The following RPH3AL variants were observed in gnomAD, a reference collection of about 807,000 sequenced individuals.
RPH3AL encodes the protein rabphilin 3A like (without C2 domains).
A neutral mutation model predicts 43.1 loss-of-function variants in RPH3AL; 38 were observed. That is an observed-to-expected ratio of 0.88 (90% CI 0.68 to 1.15). The LOEUF is 1.15. Ranked by LOEUF, RPH3AL falls within the 50% of genes most tolerant of loss-of-function variation. The pLI, the probability that RPH3AL is intolerant of heterozygous loss-of-function variation, is 0.00. For synonymous variants in RPH3AL, 189 were observed against 176.3 expected (o/e 1.07, Z -0.57); for missense variants, 462 against 423.2 (o/e 1.09, Z -0.81).
chr17:304,949 GAGGGGGACAGGGCGA>G (rs2151643348), intron 5 of RPH3AL, among the ~76,000 whole-genome samples: 2 of 67,034 alleles, frequency 3.0e-5, no homozygotes, highest in East Asian at 3.5e-4. Context: ...GACAGGGCGA[GAGGGGGACAGGGCGA>G]GAGGGGGACA....
At chr17:220,679 A>ATC in intron 7 of RPH3AL, among the ~76,000 whole-genome samples, 1 of 79,078 alleles carries the variant, frequency 1.3e-5, no homozygotes, top group Non-Finnish European at 2.4e-5. Flanking sequence ...ACCCAAGCAC[A>ATC]ACAGCTCTGA....
At position 344,449 on chromosome 17, in the gene RPH3AL, T is replaced by C. The variant is rs2045198531; in HGVS notation, c.-213+8263A>G. The stretch of plus-strand genomic sequence containing the variant: ...TCACCATCACCACCATCAGACATCA[T>C]CACCACTATCATGACCATCACCCAC... On this transcript the variant is annotated intron_variant, in intron 1 of 9. Coordinates refer to ENST00000331302, the MANE Select transcript of RPH3AL (RefSeq NM_006987.4). 1.6e-5 allele frequency among the ~76,000 whole-genome samples: 2 copies of C among 124,162 alleles called. 1 individual carries two copies. Among genetic ancestry groups the C allele is most frequent in the Middle Eastern group, 9.8e-3 (2 of 204 alleles). The allele number at this position is 124,162 out of a possible 152,430, so 81.5% of individuals were successfully genotyped here. A position where few individuals can be genotyped will look rare whatever the true frequency, so the allele number is the denominator to read the frequency against.
chr17:247,024 G>C, intron 7 of RPH3AL, 87 bp downstream of exon 7: 1 of 1,424,718 alleles, frequency 7.0e-7, no homozygotes, highest in Non-Finnish European at 9.9e-7. Context: ...AGGGTGCGGG[G>C]GACTGGCCTT....
intron 6 of RPH3AL, among the ~76,000 whole-genome samples, chr17:281,345 G>A (rs2042773452): frequency 6.6e-6 from 1 of 152,120 alleles, no homozygotes; most frequent in Non-Finnish European, 1.5e-5. Flanking sequence ...CTGGGGTTGT[G>A]CAGGGATGAA....
intron 6 of RPH3AL, among the ~76,000 whole-genome samples, chr17:259,493 A>G (rs1250873747): frequency 6.6e-6 from 1 of 152,040 alleles, no homozygotes; most frequent in Non-Finnish European, 1.5e-5. Context: ...CCTGGCATCC[A>G]CATCTACCCC....
chr17:315,633 C>A (rs200864617), intron 5 of RPH3AL, among the ~76,000 whole-genome samples: 1 of 139,966 alleles, frequency 7.1e-6, no homozygotes. Flanking sequence ...ACTCCACCTC[C>A]ACTGACCTGT....
At chr17:325,103 C>T (rs1246108578) in intron 3 of RPH3AL, among the ~76,000 whole-genome samples, 1 of 152,310 alleles carries the variant, frequency 6.6e-6, no homozygotes, top group African/African-American at 2.4e-5. Flanking sequence ...TCAGGTGATC[C>T]GCCCGCCTCA....
At chr17:298,653 C>CGGCCACTGCAGTGAGCCGGTTGCAGT (rs1406959509) in intron 5 of RPH3AL, among the ~76,000 whole-genome samples, 1 of 151,202 alleles carries the variant, frequency 6.6e-6, no homozygotes, top group Admixed American at 6.6e-5. Context: ...TGCAGTGAGC[C>CGGCCACTGCAGTGAGCCGGTTGCAGT]GAGATCAGGC....
intron 6 of RPH3AL, chr17:247,612 A>T: frequency 3.3e-6 from 1 of 307,502 alleles, no homozygotes; most frequent in South Asian, 7.8e-5. Flanking sequence ...CAGTCTCCTC[A>T]GCAGCTGGGA....
intron 6 of RPH3AL, among the ~76,000 whole-genome samples, chr17:263,515 C>T (rs1303939111): frequency 6.6e-6 from 1 of 152,232 alleles, no homozygotes; most frequent in Non-Finnish European, 1.5e-5. Flanking sequence ...CCAACGTTAG[C>T]TCTTCCGAAC....
chr17:262,562 C>T (rs568082567), intron 6 of RPH3AL, among the ~76,000 whole-genome samples: 40 of 152,208 alleles, frequency 2.6e-4, no homozygotes, highest in African/African-American at 5.3e-4. Flanking sequence ...CAGCGGCTCA[C>T]GCTCATAATC....
At chr17:327,850 A>C (rs905770235) in intron 2 of RPH3AL, among the ~76,000 whole-genome samples, 3 of 152,210 alleles carry the variant, frequency 2.0e-5, no homozygotes, top group Admixed American at 2.0e-4. Flanking sequence ...TCAAAAGGTT[A>C]GAGTCAGAAA....
At chr17:253,075 G>T (rs1481782730) in intron 6 of RPH3AL, among the ~76,000 whole-genome samples, 1 of 152,156 alleles carries the variant, frequency 6.6e-6, no homozygotes, top group Non-Finnish European at 1.5e-5. Flanking sequence ...GGAATCCAAG[G>T]CCTCCTCTGT....
chr17:273,088 A>AGCGAGAGTGACTTCAGGGTGAGACCCCG (rs2042545519), intron 6 of RPH3AL, among the ~76,000 whole-genome samples: 1 of 133,062 alleles, frequency 7.5e-6, no homozygotes, highest in Non-Finnish European at 1.6e-5. Flanking sequence ...GAGAGACCCC[A>AGCGAGAGTGACTTCAGGGTGAGACCCCG]GCGAGGGTGA....
chr17:265,079 G>A (rs1555547527), intron 6 of RPH3AL, among the ~76,000 whole-genome samples: 2 of 152,160 alleles, frequency 1.3e-5, no homozygotes. Context: ...TGAGAAGAGG[G>A]AATTAAGAGA....
rs138138447 is a variant in RPH3AL, at chr17:246,717, C to T, written c.613+394G>A. ...AGCCAGGAGTCCTCCCTTACCGAGA[C>T]ACAAGGCAAGTGCCAGGAAGAGATG... On this transcript the variant is annotated intron_variant, in intron 7 of 9. Transcript: ENST00000331302. This position sits in a 1 kb window ranked among gnomAD's most constrained non-coding sequence, Gnocchi z 4.8. Among the ~76,000 whole-genome samples, 1 of 152,228 alleles carries T rather than the reference C, an allele frequency of 6.6e-6. No homozygotes were observed. The highest frequency in any genetic ancestry group is 1.5e-5 in the Non-Finnish European group (1 of 68,012).
rs191495696 is a variant in RPH3AL, at chr17:262,416, A to G, written c.439-15131T>C. Among the ~76,000 whole-genome samples the G allele has an allele frequency of 7.0e-4, 106 of 152,200 alleles. No homozygotes were observed. In the East Asian group the frequency reaches 7.6e-3, roughly 11 times the overall value. ...TTTTTAGTAGAGACGGGGTTTCACC[A>G]TGTTCGCCGGGCTGGTCTTGAACTG... On this transcript the variant is annotated intron_variant, in intron 6 of 9. Coordinates refer to ENST00000331302, the MANE Select transcript of RPH3AL (RefSeq NM_006987.4).
intron 6 of RPH3AL, among the ~76,000 whole-genome samples, chr17:273,049 G>A (rs1597987955): frequency 9.0e-6 from 1 of 111,688 alleles, no homozygotes; most frequent in African/African-American, 2.8e-5. Context: ...GCGACGTCAG[G>A]GAGAGACCCC....
intron 6 of RPH3AL, among the ~76,000 whole-genome samples, chr17:263,379 G>A (rs558272664): frequency 6.6e-6 from 1 of 152,162 alleles, no homozygotes; most frequent in African/African-American, 2.4e-5. Context: ...ATCTTGCATG[G>A]CCAGGAGTCA....
Sources: gnomAD v4.1 joint callset for allele counts (sites outside exome capture counted in the v4.1 genomes callset) on GRCh38, gnomAD v4.1.1 for gene constraint, Gnocchi (gnomAD v3.1) non-coding constraint, MANE v1.5 for transcripts, NCBI Gene and HGNC (gene_info 2026-07-23, HGNC 2026-07-21) for gene names.